VPS13C: variants seen among roughly 807,000 people sequenced by gnomAD.
VPS13C encodes the protein intermembrane lipid transfer protein VPS13C.
Under a neutral mutation model 456.8 loss-of-function variants are expected in VPS13C, and 358 were observed. The observed-to-expected ratio is 0.78, with a 90% CI of 0.72 to 0.86. The LOEUF (loss-of-function observed/expected upper bound fraction) is 0.86, where lower values mean the gene tolerates loss of function less well. Among genes scored for constraint, VPS13C ranks in the 40% least tolerant of loss-of-function variants. The probability of loss-of-function intolerance (pLI) is 0.00; values close to 1 mark genes in which losing one functional copy is unlikely to be tolerated. For missense variants in VPS13C, 4,818 were observed against 4,385.4 expected, an observed-to-expected ratio of 1.10 and a Z score of -2.79; for synonymous variants, 1,578 against 1,486.7, an observed-to-expected ratio of 1.06 and a Z score of -1.41.
At chr15:62,044,282 T>C (rs747840029) in intron 1 of VPS13C, 27 bp from the exon 2 acceptor site, 1 of 1,379,756 alleles carries the variant, frequency 7.2e-7, no homozygotes, top group South Asian at 1.3e-5. Context: ...CAAAGAAAAA[T>C]ATTACTATAA....
At position 61,929,377 on chromosome 15, in the gene VPS13C, T is replaced by C. The variant is rs543821497; in HGVS notation, c.6286+124A>G. 183 of 1,288,252 alleles carry C rather than the reference T, an allele frequency of 1.4e-4. No individual in the cohort carries two copies. The East Asian group carries it at 1.5e-3, about 11-fold the overall frequency. The allele number at this position is 1,288,252 out of a possible 1,614,324, so 79.8% of individuals were successfully genotyped here. A position where few individuals can be genotyped will look rare whatever the true frequency, so the allele number is the denominator to read the frequency against. ...AAACTAAAAAGCTAAAGTTTTTATA[T>C]AGAATATGTTTAAATATAAAAGACT... On this transcript the variant is annotated intron_variant, in intron 51 of 84. Coordinates refer to ENST00000644861, the MANE Select transcript of VPS13C (RefSeq NM_020821.3).
At chr15:62,046,149 G>A (rs2048394721) in intron 1 of VPS13C, among the ~76,000 whole-genome samples, 1 of 152,088 alleles carries the variant, frequency 6.6e-6, no homozygotes, top group Non-Finnish European at 1.5e-5. Flanking sequence ...AAATGGTAAG[G>A]AAATACTATA....
At chr15:61,901,813 A>G (rs1027978500) in intron 66 of VPS13C, among the ~76,000 whole-genome samples, 3 of 152,090 alleles carry the variant, frequency 2.0e-5, no homozygotes, top group Non-Finnish European at 2.9e-5. Flanking sequence ...ACATGCACAC[A>G]TATGTTTATT....
intron 67 of VPS13C, among the ~76,000 whole-genome samples, chr15:61,888,185 C>T (rs951678720): frequency 6.6e-6 from 1 of 151,962 alleles, no homozygotes; most frequent in African/African-American, 2.4e-5. Context: ...TCCAAAACAC[C>T]GACAATACCA....
chr15:61,917,014 T>C (rs2043492729), intron 60 of VPS13C, among the ~76,000 whole-genome samples: 1 of 152,162 alleles, frequency 6.6e-6, no homozygotes, highest in African/African-American at 2.4e-5. Context: ...AAATCCCAGC[T>C]CCACCACTTC....
intron 48 of VPS13C, 145 bp from the exon 49 acceptor site, chr15:61,934,476 T>C (rs954379621): frequency 2.2e-6 from 1 of 450,860 alleles, no homozygotes; most frequent in African/African-American, 2.0e-5. Flanking sequence ...AAATGGCAAT[T>C]ATGTTCCAAC....
At chr15:61,975,446 C>T (rs1189660818) in intron 24 of VPS13C, among the ~76,000 whole-genome samples, 1 of 151,970 alleles carries the variant, frequency 6.6e-6, no homozygotes, top group African/African-American at 2.4e-5. Flanking sequence ...AATAACATCA[C>T]TACAGATTCT....
In VPS13C at chr15:61,969,389, G is replaced by T; in HGVS notation, c.2821C>A (p.Gln941Lys). The change falls in exon 28 of 85, where the codon CAG becomes AAG. Residue 941 changes from glutamine (Q) to lysine (K), a missense_variant. Coordinates refer to ENST00000644861, the MANE Select transcript of VPS13C (RefSeq NM_020821.3). ...CTCATTGTGGCCTCTGTTCCTAACT[G>T]AGTAACATTAAATACTAGAATTGTA... The part of the protein sequence containing the change: ...EDTILVFNVT[Q>K]LGTEATMRTF... 6.3e-7 allele frequency: 1 copy of T among 1,593,976 alleles called. No homozygotes were observed. Among genetic ancestry groups the T allele is most frequent in the South Asian group, 1.1e-5 (1 of 87,204 alleles).
rs774317046 is a variant in VPS13C at position 61,977,092 on chromosome 15, T to C, written c.2398A>G (p.Arg800Gly). Residue 800 changes from arginine to glycine, a missense_variant, in exon 24 of 85, where the codon AGA becomes GGA. Around this residue, in one of 3 missense-constraint regions of VPS13C, gnomAD observed 4,552 missense variants for 4,130.6 expected, o/e 1.10. Coordinates refer to ENST00000644861, the MANE Select transcript of VPS13C (RefSeq NM_020821.3). ...LAKAMVEKDI[R>G]MARFKVSGGL... Reference sequence around the variant, plus strand: ...AAGTTTATACATTACCTGGCCATTCTAATGTCTTTTTCTACCATGGCCTTA... The same window carrying C: ...AAGTTTATACATTACCTGGCCATTCCAATGTCTTTTTCTACCATGGCCTTA... 3 of 1,598,136 alleles carry C rather than the reference T, an allele frequency of 1.9e-6. No individual in the cohort carries two copies.
At chr15:61,876,086 T>C (rs1375007633) in intron 75 of VPS13C, among the ~76,000 whole-genome samples, 2 of 152,038 alleles carry the variant, frequency 1.3e-5, no homozygotes, top group African/African-American at 4.8e-5. Context: ...GTAGCAGTTA[T>C]GTGACCCTGT....
intron 66 of VPS13C, among the ~76,000 whole-genome samples, chr15:61,896,456 G>A (rs1324950941): frequency 6.6e-6 from 1 of 152,180 alleles, no homozygotes; most frequent in Non-Finnish European, 1.5e-5. Flanking sequence ...AAGGGGTCAG[G>A]GAGTTCCCTT....
rs533501665 is a variant in VPS13C at position 61,923,915 on chromosome 15, G to T, written c.6610-1153C>A. Among the ~76,000 whole-genome samples, 17 of 129,428 alleles carry T rather than the reference G, an allele frequency of 1.3e-4. No individual in the cohort carries two copies. The South Asian group carries it at 4.7e-3, about 35-fold the overall frequency. The allele number at this position is 129,428 out of a possible 152,430, so 84.9% of individuals were successfully genotyped here. ...GAGTCTCGCTCTGTCGCCCAGGCTG[G>T]AGTGCAGTGGCGGGATCTCGGCTCA... On this transcript the variant is annotated intron_variant, in intron 53 of 84. Transcript: ENST00000644861.
chr15:62,016,012 T>G (rs1441926567), intron 9 of VPS13C, among the ~76,000 whole-genome samples: 1 of 149,374 alleles, frequency 6.7e-6, no homozygotes, highest in Non-Finnish European at 1.5e-5. Context: ...CTTTCCTTTG[T>G]TTCTTCAGCT....
At chr15:62,010,625 A>T (rs374055772) in intron 12 of VPS13C, 26 bp from the exon 13 acceptor site, 1 of 1,579,218 alleles carries the variant, frequency 6.3e-7, no homozygotes, top group Non-Finnish European at 8.6e-7. Flanking sequence ...AAGACATAAG[A>T]TATGTTCATA....
rs552998175 is a variant in VPS13C at position 61,917,359 on chromosome 15, G to A, written c.8037C>T (p.Ser2679=). The A allele has an allele frequency of 1.2e-6, 2 of 1,613,124 alleles. No homozygotes were observed. The highest frequency in any genetic ancestry group is 2.7e-5 in the African/African-American group (2 of 75,008). ...GACATACCTCAAGTAAATATCTTAG[G>A]GAATATGGGAGAAGATTCCGCAAAG... The part of the protein sequence containing the change: ...SLTLRNLLPY[S]LRYLLEGTAE... The change falls in exon 60 of 85, where the codon TCC becomes TCT. Residue 2679 remains serine, a synonymous_variant. Coordinates refer to ENST00000644861, the MANE Select transcript of VPS13C (RefSeq NM_020821.3).
At chr15:62,025,075 G>C (rs924043922) in intron 6 of VPS13C, among the ~76,000 whole-genome samples, 2 of 152,060 alleles carry the variant, frequency 1.3e-5, no homozygotes, top group Non-Finnish European at 2.9e-5. Flanking sequence ...TCAGGCAGGA[G>C]ACTTCATTAG....
At chr15:62,037,317 T>TTA (rs1567136994) in intron 3 of VPS13C, among the ~76,000 whole-genome samples, 3 of 71,270 alleles carry the variant, frequency 4.2e-5, no homozygotes, top group African/African-American at 1.2e-4. Context: ...TATAAATATA[T>TTA]TATATATTAT....
intron 45 of VPS13C, among the ~76,000 whole-genome samples, chr15:61,944,075 A>G (rs551077360): frequency 6.6e-6 from 1 of 152,330 alleles, no homozygotes; most frequent in African/African-American, 2.4e-5. Context: ...AATGCAAATC[A>G]AAACCATAAT....
chr15:62,042,506 T>A (rs8023668), intron 2 of VPS13C, among the ~76,000 whole-genome samples: 85,544 of 151,728 alleles, frequency 0.56, 24,329 homozygotes, highest in Admixed American at 0.63. Flanking sequence ...ATAGCTTTAG[T>A]TAAAAAGTCT....
Sources: gnomAD v4.1 joint callset for allele counts (sites outside exome capture counted in the v4.1 genomes callset) on GRCh38, gnomAD v4.1.1 for gene constraint, gnomAD v4.1.1 regional missense constraint, MANE v1.5 for transcripts, NCBI Gene and HGNC (gene_info 2026-07-23, HGNC 2026-07-21) for gene names.